The following DST variants were observed in gnomAD, a reference collection of about 807,000 sequenced individuals.
DST encodes bullous pemphigoid antigen.
Under a neutral mutation model 875.2 loss-of-function variants are expected in DST, and 253 were observed. That is an observed-to-expected ratio of 0.29 (90% confidence interval 0.26 to 0.32). The LOEUF is 0.32. Among genes scored for constraint, DST ranks in the 10% least tolerant of loss-of-function variants. The pLI, the probability that DST is intolerant of heterozygous loss-of-function variation, is 1.00. For synonymous variants in DST, 3,124 were observed against 3,197.1 expected (o/e 0.98, Z 0.77); for missense variants, 8,287 against 9,111.6 (o/e 0.91, Z 3.68).
chr6:56,596,775 A>G (rs1284767029), intron 47 of DST, among the ~76,000 whole-genome samples: 1 of 152,226 alleles, frequency 6.6e-6, no homozygotes, highest in African/African-American at 2.4e-5. Flanking sequence ...AAATATTGAA[A>G]TAAAATGAGT....
In DST at chr6:56,553,524, G is replaced by A. The variant is rs879072949; in HGVS notation, c.15268C>T (p.Leu5090Phe). 5 of 1,613,896 alleles carry A rather than the reference G, an allele frequency of 3.1e-6. No individual in the cohort carries two copies. In the South Asian group the frequency reaches 4.4e-5, roughly 14 times the overall value. The change falls in exon 61 of 104, where the codon CTC (leucine) becomes TTC (phenylalanine). Residue 5090 changes from leucine to phenylalanine, a missense_variant. By Grantham distance (22) the Leu-to-Phe change is conservative. Coordinates refer to ENST00000680361, the MANE Select transcript of DST (RefSeq NM_001374736.1). The part of the protein sequence containing the change: ...QNKSHPISAK[L>F]DVLESLIKDH... ...TTAATTAATGACTCCAAGACATCGAGTTTGGCAGATATTGGATGAGATTTG... is the reference window on the plus strand; with the variant it reads ...TTAATTAATGACTCCAAGACATCGAATTTGGCAGATATTGGATGAGATTTG...
chr6:56,906,630 T>C (rs1381972335), intron 2 of DST, among the ~76,000 whole-genome samples: 1 of 152,074 alleles, frequency 6.6e-6, no homozygotes, highest in African/African-American at 2.4e-5. Flanking sequence ...AGATACCACC[T>C]CCTCAAGCTG....
intron 5 of DST, among the ~76,000 whole-genome samples, chr6:56,711,532 G>A (rs1390084391): frequency 1.3e-5 from 2 of 152,044 alleles, no homozygotes; most frequent in African/African-American, 4.8e-5. Context: ...CTCTTGCATA[G>A]CTGTACAGAT....
intron 10 of DST, among the ~76,000 whole-genome samples, chr6:56,653,488 C>T (rs1251404639): frequency 6.6e-6 from 1 of 152,098 alleles, no homozygotes; most frequent in African/African-American, 2.4e-5. Flanking sequence ...AGTTTGACAC[C>T]AGCCTGACCA....
At chr6:56,551,712 T>C (rs1218349832) in intron 61 of DST, among the ~76,000 whole-genome samples, 1 of 152,184 alleles carries the variant, frequency 6.6e-6, no homozygotes, top group Non-Finnish European at 1.5e-5. Context: ...CCATATTGCC[T>C]TTAAAAATAT....
chr6:56,486,223 C>T (rs911934516), intron 87 of DST, among the ~76,000 whole-genome samples: 25 of 151,668 alleles, frequency 1.6e-4, no homozygotes, highest in Admixed American at 4.6e-4. Flanking sequence ...ATTAGCCGGG[C>T]GTAGTGGCGG....
chr6:56,762,716 C>A (rs186301207), intron 4 of DST, among the ~76,000 whole-genome samples: 1,876 of 152,198 alleles, frequency 0.012, 35 homozygotes, highest in African/African-American at 0.042. Context: ...TACCTCTACA[C>A]ATATTTTTGG....
At chr6:56,598,077 TA>T in intron 46 of DST, 71 bp from the exon 47 acceptor site, 1 of 1,370,672 alleles carries the variant, frequency 7.3e-7, no homozygotes, top group Non-Finnish European at 9.7e-7. Context: ...ATTCCAAAAG[TA>T]AATACTTAGA....
intron 85 of DST, among the ~76,000 whole-genome samples, chr6:56,491,028 C>G (rs997570070): frequency 6.6e-6 from 1 of 152,112 alleles, no homozygotes; most frequent in African/African-American, 2.4e-5. Flanking sequence ...GAAATGCCGG[C>G]ACTACACATG....
rs10617867 is a variant in DST, at chr6:56,546,347, C to CATATATAT, written c.16608+5829_16608+5836dup. On this transcript the variant is annotated intron_variant, in intron 61 of 103. Coordinates refer to ENST00000680361, the MANE Select transcript of DST (RefSeq NM_001374736.1). ...TATTAATTGAAATATATACATATTT[C>CATATATAT]ATATATATATATATATATATATATA... Among the ~76,000 whole-genome samples, 464 of 72,568 alleles carry CATATATAT rather than the reference C, an allele frequency of 6.4e-3. 2 individuals are homozygous for CATATATAT. Among genetic ancestry groups the CATATATAT allele is most frequent in the East Asian group, 0.015 (24 of 1,618 alleles). 47.6% of individuals were successfully genotyped at this position (72,568 alleles called of 152,430 possible).
intron 2 of DST, among the ~76,000 whole-genome samples, chr6:56,932,035 G>A (rs1397871154): frequency 6.6e-6 from 1 of 152,072 alleles, no homozygotes; most frequent in Non-Finnish European, 1.5e-5. Flanking sequence ...AGATTAGGAG[G>A]GGCCAGGGGC....
chr6:56,938,873 T>C (rs1367240750), intron 2 of DST, among the ~76,000 whole-genome samples: 1 of 152,230 alleles, frequency 6.6e-6, no homozygotes, highest in Non-Finnish European at 1.5e-5. Context: ...CAAAGATACC[T>C]GGGTGACTTC....
In DST at chr6:56,634,824, T is replaced by G. The variant is rs758298515; in HGVS notation, c.3316A>C (p.Ile1106Leu). The part of the protein sequence containing the change: ...PLKTSIPIKA[I>L]CDYRQIEITI... The stretch of plus-strand genomic sequence containing the variant: ...ACCTCAATTTGTCTGTAGTCACAGA[T>G]AGCTTTGATCGGAATAGAAGTTTTG... The change falls in exon 25 of 104, where the codon ATC (isoleucine) becomes CTC (leucine). Residue 1106 changes from isoleucine to leucine, a missense_variant. This residue lies in a region of DST where 1,160 missense variants were observed against 1,424.3 expected (regional missense o/e 0.81). Coordinates refer to ENST00000680361, the MANE Select transcript of DST (RefSeq NM_001374736.1). 6.2e-7 allele frequency: 1 copy of G among 1,614,098 alleles called. No individual in the cohort carries two copies. The highest frequency in any genetic ancestry group is 1.1e-5 in the South Asian group (1 of 91,084).
rs537358776 is a variant in DST, at chr6:56,762,203, G to A, written c.626-26914C>T. On this transcript the variant is annotated intron_variant, in intron 4 of 103. Coordinates refer to ENST00000680361, the MANE Select transcript of DST (RefSeq NM_001374736.1). ...GCCCGGCTAATTTTTTGTATTTTTA[G>A]TAGAAACAGGGTTTCTCCATGTTGG... Among the ~76,000 whole-genome samples the A allele has an allele frequency of 3.2e-3, 481 of 152,170 alleles. 15 individuals carry two copies. The highest frequency in any genetic ancestry group is 0.021 in the South Asian group (99 of 4,814).
At chr6:56,834,449 T>C (rs1356485985) in intron 4 of DST, among the ~76,000 whole-genome samples, 1 of 151,828 alleles carries the variant, frequency 6.6e-6, no homozygotes, top group Non-Finnish European at 1.5e-5. Context: ...ATACAAAAAT[T>C]AGCCAGGCGT....
At chr6:56,556,336 A>AT (rs2097418071) in intron 59 of DST, among the ~76,000 whole-genome samples, 1 of 152,204 alleles carries the variant, frequency 6.6e-6, no homozygotes, top group Non-Finnish European at 1.5e-5. Context: ...AGTCTTTATT[A>AT]TAAAGGTTTT....
At chr6:56,529,025 A>G in intron 66 of DST, 100 bp from the exon 67 acceptor site, 1 of 777,382 alleles carries the variant, frequency 1.3e-6, no homozygotes, top group Non-Finnish European at 2.2e-6. Context: ...TCACAGAGAC[A>G]TATTTGAGTA....
intron 4 of DST, among the ~76,000 whole-genome samples, chr6:56,801,580 T>C (rs2099746932): frequency 1.3e-5 from 2 of 152,060 alleles, no homozygotes; most frequent in African/African-American, 4.8e-5. Flanking sequence ...AATATGTAAC[T>C]TCATCTTTAT....
chr6:56,780,886 C>G (rs1233902637), intron 4 of DST, among the ~76,000 whole-genome samples: 1 of 152,172 alleles, frequency 6.6e-6, no homozygotes, highest in Non-Finnish European at 1.5e-5. Context: ...TTTAATCCAT[C>G]TTGAATTAAT....
Sources: allele counts gnomAD v4.1 joint callset (sites outside exome capture counted in the v4.1 genomes callset), GRCh38; gene constraint gnomAD v4.1.1; regional missense constraint gnomAD v4.1.1; transcripts MANE v1.5; gene names NCBI Gene and HGNC (gene_info 2026-07-23, HGNC 2026-07-21).